Variants in NTN1 observed in about 807,000 individuals in gnomAD.
NTN1 encodes the protein netrin-1.
In NTN1, 11 loss-of-function variants were observed where a neutral mutation model predicts 54.2. The ratio of observed to expected loss-of-function variants is 0.20; its 90% CI spans 0.13 to 0.34. The LOEUF is 0.34. NTN1 is among the 10% of genes least tolerant of loss of function. The pLI, the probability that NTN1 is intolerant of heterozygous loss-of-function variation, is 1.00. For missense variants in NTN1, 740 were observed against 893.1 expected, an observed-to-expected ratio of 0.83 and a Z score of 2.18; for synonymous variants, 371 against 382.0, an observed-to-expected ratio of 0.97 and a Z score of 0.33.
At chr17:9,024,907 C>A (rs767278668) in intron 2 of NTN1, among the ~76,000 whole-genome samples, 8 of 152,178 alleles carry the variant, frequency 5.3e-5, no homozygotes, top group Non-Finnish European at 8.8e-5. Flanking sequence ...GAATAAAATT[C>A]CTTTGATCTG....
intron 5 of NTN1, among the ~76,000 whole-genome samples, chr17:9,195,127 TC>T (rs1030554530): frequency 2.0e-5 from 3 of 152,054 alleles, no homozygotes; most frequent in Non-Finnish European, 4.4e-5. Context: ...TTTCTCCTTT[TC>T]GGGACCTGCA....
At chr17:9,024,298 C>G (rs1332412266) in intron 2 of NTN1, among the ~76,000 whole-genome samples, 1 of 152,078 alleles carries the variant, frequency 6.6e-6, no homozygotes, top group Non-Finnish European at 1.5e-5. Context: ...CAGTTTCTCC[C>G]CATAAAAAGA....
At chr17:9,118,295 G>A (rs2092221047) in intron 2 of NTN1, among the ~76,000 whole-genome samples, 1 of 152,170 alleles carries the variant, frequency 6.6e-6, no homozygotes, top group Admixed American at 6.5e-5. Flanking sequence ...CGAGGTGGGT[G>A]GATCAACTGA....
intron 2 of NTN1, among the ~76,000 whole-genome samples, chr17:9,081,002 C>T (rs1419862854): frequency 6.6e-6 from 1 of 152,152 alleles, no homozygotes; most frequent in Admixed American, 6.5e-5. Flanking sequence ...ATTAACTGAA[C>T]CTGAGGAGGG....
At chr17:9,056,370 T>C (rs1302924793) in intron 2 of NTN1, among the ~76,000 whole-genome samples, 1 of 152,210 alleles carries the variant, frequency 6.6e-6, no homozygotes, top group Non-Finnish European at 1.5e-5. Flanking sequence ...TGCCGCCATC[T>C]TGATGGTTTT....
chr17:9,167,219 G>C (rs867620109), intron 3 of NTN1, among the ~76,000 whole-genome samples: 5 of 152,164 alleles, frequency 3.3e-5, no homozygotes, highest in African/African-American at 9.7e-5. Context: ...CCGCTGAATG[G>C]TCTGTGAATG....
At chr17:9,227,932 C>T (rs1269380904) in intron 6 of NTN1, among the ~76,000 whole-genome samples, 1 of 152,136 alleles carries the variant, frequency 6.6e-6, no homozygotes, top group Non-Finnish European at 1.5e-5. Flanking sequence ...CACACATGCA[C>T]ACACCATTAC....
intron 2 of NTN1, among the ~76,000 whole-genome samples, chr17:9,106,240 C>A (rs915522525): frequency 6.6e-6 from 1 of 152,192 alleles, no homozygotes; most frequent in Non-Finnish European, 1.5e-5. Context: ...ATGGAGCAGT[C>A]GTACCTGACT....
At chr17:9,007,904 A>C in the NTN1 span, among the ~76,000 whole-genome samples, 41 of 151,778 alleles carry the variant, frequency 2.7e-4, no homozygotes, top group Middle Eastern at 6.8e-3. Flanking sequence ...CAAATAATTT[A>C]TTATTATTCT....
At chr17:9,198,722 G>A (rs1904703485) in intron 5 of NTN1, among the ~76,000 whole-genome samples, 1 of 152,200 alleles carries the variant, frequency 6.6e-6, no homozygotes, top group African/African-American at 2.4e-5. Context: ...AGACCAAGGG[G>A]AACTGGAGCG....
At chr17:9,014,181 A>C in the NTN1 span, among the ~76,000 whole-genome samples, 1 of 152,160 alleles carries the variant, frequency 6.6e-6, no homozygotes, top group African/African-American at 2.4e-5. Context: ...CATGTTCTAA[A>C]GCCTTTTCCA....
At chr17:9,117,683 G>A (rs57998735) in intron 2 of NTN1, among the ~76,000 whole-genome samples, 39,890 of 150,642 alleles carry the variant, frequency 0.26, 5,861 homozygotes, top group African/African-American at 0.39. Flanking sequence ...GGCGGAGGTT[G>A]CAGTGAGGTG....
At chr17:9,129,046 G>C (rs1293107493) in intron 2 of NTN1, among the ~76,000 whole-genome samples, 3 of 152,134 alleles carry the variant, frequency 2.0e-5, no homozygotes, top group Non-Finnish European at 4.4e-5. Flanking sequence ...TGATCCCCGA[G>C]TCCCTCTCCG....
rs368594835 is a variant in NTN1, at chr17:9,063,244, T to C, written c.1018+39853T>C. Among the ~76,000 whole-genome samples the C allele has an allele frequency of 8.6e-5, 13 of 151,808 alleles. No homozygotes were observed. In the East Asian group the frequency reaches 2.5e-3, roughly 30 times the overall value. ...CCTGAGTAGCTGGGATTACAGGTAC[T>C]GGCCACCATGCTCAGCTAATTTTTT... On this transcript the variant is annotated intron_variant, in intron 2 of 6. Transcript: ENST00000173229.
At chr17:9,005,740 C>G in the NTN1 span, among the ~76,000 whole-genome samples, 1 of 152,096 alleles carries the variant, frequency 6.6e-6, no homozygotes, top group Non-Finnish European at 1.5e-5. Context: ...CTAGGAGATG[C>G]TCCAGTATCC....
intron 6 of NTN1, among the ~76,000 whole-genome samples, chr17:9,225,771 TCTGA>T (rs964018011): frequency 2.6e-5 from 4 of 152,092 alleles, no homozygotes; most frequent in Admixed American, 2.6e-4. Context: ...ATCCCCGCTC[TCTGA>T]CTGACACCCG....
chr17:9,112,968 T>C (rs2092197528), intron 2 of NTN1, among the ~76,000 whole-genome samples: 1 of 152,024 alleles, frequency 6.6e-6, no homozygotes, highest in African/African-American at 2.4e-5. Flanking sequence ...TTGTATTGCT[T>C]TTGGCTGTAA....
intron 2 of NTN1, among the ~76,000 whole-genome samples, chr17:9,066,620 T>G (rs1193412628): frequency 6.9e-6 from 1 of 145,498 alleles, no homozygotes; most frequent in African/African-American, 2.5e-5. Flanking sequence ...AGAGTGAGTC[T>G]CCGTCTCAAA....
intron 6 of NTN1, among the ~76,000 whole-genome samples, chr17:9,232,690 TC>T (rs1905854420): frequency 6.6e-6 from 1 of 152,122 alleles, no homozygotes; most frequent in Admixed American, 6.5e-5. Flanking sequence ...ACAGTGAGCC[TC>T]CAGCCCTCTG....
Sources: allele counts gnomAD v4.1 joint callset (sites outside exome capture counted in the v4.1 genomes callset), GRCh38; gene constraint gnomAD v4.1.1; transcripts MANE v1.5; gene names NCBI Gene and HGNC (gene_info 2026-07-23, HGNC 2026-07-21).